NAV2: variants seen among roughly 807,000 people sequenced by gnomAD.
NAV2 encodes helicase, APC down-regulated 1.
In NAV2, 54 loss-of-function variants were observed where a neutral mutation model predicts 223.2. The ratio of observed to expected loss-of-function variants is 0.24; its 90% CI spans 0.19 to 0.30. The LOEUF (loss-of-function observed/expected upper bound fraction) is 0.30. NAV2 is among the 10% of genes least tolerant of loss of function. NAV2 has a pLI of 1.00. For synonymous variants in NAV2, 1,279 were observed against 1,239.3 expected, an observed-to-expected ratio of 1.03 and a Z score of -0.67; for missense variants, 2,806 against 3,147.5, an observed-to-expected ratio of 0.89 and a Z score of 2.60.
chr11:19,420,580 T>G (rs964577701), intron 1 of NAV2, among the ~76,000 whole-genome samples: 1 of 152,184 alleles, frequency 6.6e-6, no homozygotes, highest in African/African-American at 2.4e-5. Flanking sequence ...GAGAACAAAC[T>G]AAGCTACATG....
At chr11:19,709,642 C>A (rs764157532), upstream of NAV2, among the ~76,000 whole-genome samples, 1 of 151,382 alleles carries the variant, frequency 6.6e-6, no homozygotes, top group Non-Finnish European at 1.5e-5. Context: ...CCAGACCAGC[C>A]TGACCAATAT....
At chr11:19,950,040 C>T (rs1276698720) in intron 10 of NAV2, among the ~76,000 whole-genome samples, 1 of 152,204 alleles carries the variant, frequency 6.6e-6, no homozygotes, top group African/African-American at 2.4e-5. Flanking sequence ...TCTCAGATCA[C>T]CCTGCAGACT....
chr11:19,438,683 A>G (rs1406372490), intron 1 of NAV2, among the ~76,000 whole-genome samples: 2 of 152,196 alleles, frequency 1.3e-5, no homozygotes, highest in Non-Finnish European at 2.9e-5. Flanking sequence ...CACAGAACTC[A>G]GGAAAGCATT....
chr11:19,562,366 C>A (rs1047090172), intron 1 of NAV2, among the ~76,000 whole-genome samples: 1 of 152,194 alleles, frequency 6.6e-6, no homozygotes, highest in Non-Finnish European at 1.5e-5. Flanking sequence ...AGCAGAGTAG[C>A]CCCTGGGGCC....
At chr11:19,384,468 G>A (rs1023298770) in intron 1 of NAV2, among the ~76,000 whole-genome samples, 2 of 152,210 alleles carry the variant, frequency 1.3e-5, no homozygotes, top group African/African-American at 2.4e-5. Context: ...AGTTGACTCA[G>A]GATATCTGTG....
intron 1 of NAV2, among the ~76,000 whole-genome samples, chr11:19,510,510 C>G (rs1564999556): frequency 6.6e-6 from 1 of 152,208 alleles, no homozygotes. Context: ...TCGGGCGATC[C>G]TAGCAGATGC....
intron 1 of NAV2, among the ~76,000 whole-genome samples, chr11:19,551,411 T>C (rs574605422): frequency 2.0e-5 from 3 of 152,336 alleles, no homozygotes; most frequent in South Asian, 4.1e-4. Flanking sequence ...GGACATCCCC[T>C]GGGTTCCACG....
chr11:19,346,651 C>G (rs1005657984), upstream of NAV2, among the ~76,000 whole-genome samples: 1 of 152,182 alleles, frequency 6.6e-6, no homozygotes, highest in Non-Finnish European at 1.5e-5. Flanking sequence ...ACGCTCCGCT[C>G]GCTCGCAGTG....
At chr11:19,740,009 A>T (rs1429659337) in intron 1 of NAV2, among the ~76,000 whole-genome samples, 1 of 152,138 alleles carries the variant, frequency 6.6e-6, no homozygotes, top group Non-Finnish European at 1.5e-5. Flanking sequence ...CTCCCTGTTT[A>T]TTCGTACTCC....
At chr11:19,438,552 C>T (rs774968149) in intron 1 of NAV2, among the ~76,000 whole-genome samples, 1 of 152,196 alleles carries the variant, frequency 6.6e-6, no homozygotes, top group African/African-American at 2.4e-5. Context: ...CTCCAGACAC[C>T]AACCATTCCA....
At chr11:19,714,006 T>C (rs1385874921) in intron 1 of NAV2, 44 bp downstream of exon 1, 4 of 1,602,678 alleles carry the variant, frequency 2.5e-6, no homozygotes, top group Non-Finnish European at 3.4e-6. Context: ...GAAGGATGGA[T>C]GAATAGTTCT....
intron 22 of NAV2, among the ~76,000 whole-genome samples, chr11:20,069,239 G>A (rs979051195): frequency 2.0e-5 from 3 of 152,180 alleles, no homozygotes; most frequent in Non-Finnish European, 4.4e-5. Context: ...TTTGCACAAA[G>A]GTTAAGGAGA....
At chr11:19,458,078 A>G (rs1852019997) in intron 1 of NAV2, among the ~76,000 whole-genome samples, 1 of 152,100 alleles carries the variant, frequency 6.6e-6, no homozygotes, top group African/African-American at 2.4e-5. Context: ...AGTTCCCTAT[A>G]TGACAGGCAT....
At chr11:19,536,809 A>G (rs1300788484) in intron 1 of NAV2, among the ~76,000 whole-genome samples, 2 of 152,178 alleles carry the variant, frequency 1.3e-5, no homozygotes, top group East Asian at 1.9e-4. Flanking sequence ...GGAAATGATA[A>G]TGGGGGCTGG....
chr11:19,523,889 C>A (rs1215835585), intron 1 of NAV2, among the ~76,000 whole-genome samples: 2 of 152,196 alleles, frequency 1.3e-5, no homozygotes, highest in Admixed American at 1.3e-4. Flanking sequence ...CTCTTACCTC[C>A]TGGCCTCTCT....
At chr11:19,850,069 A>G (rs2061027432) in intron 3 of NAV2, among the ~76,000 whole-genome samples, 1 of 152,202 alleles carries the variant, frequency 6.6e-6, no homozygotes, top group South Asian at 2.1e-4. Flanking sequence ...GATACCTTGT[A>G]GTATGCCAAA....
At chr11:19,586,850 G>C (rs1191209761) in intron 1 of NAV2, among the ~76,000 whole-genome samples, 1 of 152,252 alleles carries the variant, frequency 6.6e-6, no homozygotes, top group Admixed American at 6.5e-5. Context: ...GAGGCAGTCT[G>C]TCTGTTCTCA....
At chr11:19,711,850 G>A (rs992074296), upstream of NAV2, 1 of 152,222 alleles carries the variant, frequency 6.6e-6, no homozygotes. Flanking sequence ...TTAGGTAAAT[G>A]TCGTCAAGCC....
intron 1 of NAV2, among the ~76,000 whole-genome samples, chr11:19,567,827 T>C (rs185987548): frequency 6.6e-6 from 1 of 152,338 alleles, no homozygotes; most frequent in Non-Finnish European, 1.5e-5. Context: ...CTCACAGTCA[T>C]GCTCAGGTTA....
Sources: gnomAD v4.1 joint callset for allele counts (sites outside exome capture counted in the v4.1 genomes callset) on GRCh38, gnomAD v4.1.1 for gene constraint, MANE v1.5 for transcripts, NCBI Gene and HGNC (gene_info 2026-07-23, HGNC 2026-07-21) for gene names.